The following ERBB4 variants were observed in gnomAD, a reference collection of about 807,000 sequenced individuals.
The protein encoded by ERBB4 is erb-b2 receptor tyrosine kinase 4.
A neutral mutation model predicts 158.0 loss-of-function variants in ERBB4; 42 were observed. The observed-to-expected ratio is 0.27, with a 90% confidence interval of 0.21 to 0.34. The LOEUF (loss-of-function observed/expected upper bound fraction) is 0.34. ERBB4 is among the 10% of genes least tolerant of loss of function. ERBB4 has a pLI of 1.00. For missense variants in ERBB4, 1,333 were observed against 1,624.1 expected (o/e 0.82, Z 3.08); for synonymous variants, 583 against 558.7 (o/e 1.04, Z -0.61).
At chr2:212,396,025 AACTGAT>A (rs2091015721) in intron 1 of ERBB4, among the ~76,000 whole-genome samples, 1 of 152,146 alleles carries the variant, frequency 6.6e-6, no homozygotes, top group Non-Finnish European at 1.5e-5. Flanking sequence ...TGTTAATTAT[AACTGAT>A]GGTTTTATGT....
At chr2:211,677,258 T>C (rs1395324468) in intron 13 of ERBB4, among the ~76,000 whole-genome samples, 1 of 152,138 alleles carries the variant, frequency 6.6e-6, no homozygotes, top group Admixed American at 6.6e-5. Flanking sequence ...AACTATACTT[T>C]CCAAAACTAT....
chr2:211,698,302 G>C (rs918677811), intron 12 of ERBB4, among the ~76,000 whole-genome samples: 2 of 136,932 alleles, frequency 1.5e-5, no homozygotes, highest in Non-Finnish European at 3.1e-5. Flanking sequence ...ACAAGAGTGA[G>C]ACTCCGTCTC....
At chr2:211,781,661 T>C (rs999767350) in intron 4 of ERBB4, among the ~76,000 whole-genome samples, 1 of 152,206 alleles carries the variant, frequency 6.6e-6, no homozygotes, top group African/African-American at 2.4e-5. Context: ...CCTCATATGG[T>C]CAATTCATAT....
At chr2:211,431,595 A>T (rs951722264) in intron 20 of ERBB4, among the ~76,000 whole-genome samples, 3 of 152,136 alleles carry the variant, frequency 2.0e-5, no homozygotes, top group African/African-American at 7.2e-5. Context: ...GATTCTATGG[A>T]GGCTGAAGAA....
intron 19 of ERBB4, among the ~76,000 whole-genome samples, chr2:211,578,678 C>A (rs2067965865): frequency 1.3e-5 from 2 of 152,026 alleles, no homozygotes; most frequent in Non-Finnish European, 2.9e-5. Context: ...ATTTTTTAAA[C>A]AGCTGACAAC....
At chr2:212,357,425 G>T (rs921857100) in intron 1 of ERBB4, among the ~76,000 whole-genome samples, 1 of 151,564 alleles carries the variant, frequency 6.6e-6, no homozygotes, top group South Asian at 2.1e-4. Context: ...AAGTATAAGC[G>T]GTGTACAAAG....
intron 16 of ERBB4, among the ~76,000 whole-genome samples, chr2:211,649,027 A>T (rs1362496820): frequency 1.3e-5 from 2 of 151,896 alleles, no homozygotes; most frequent in Non-Finnish European, 3.0e-5. Context: ...GTTTGTTCAT[A>T]TATGTCTTAG....
chr2:211,446,460 A>G (rs2125465370), intron 20 of ERBB4, among the ~76,000 whole-genome samples: 1 of 152,344 alleles, frequency 6.6e-6, no homozygotes, highest in Non-Finnish European at 1.5e-5. Context: ...GCTATTTCAA[A>G]GTGTCATGTA....
intron 3 of ERBB4, among the ~76,000 whole-genome samples, chr2:211,814,670 C>T (rs895204274): frequency 1.3e-5 from 2 of 152,088 alleles, no homozygotes; most frequent in African/African-American, 4.8e-5. Context: ...AGAAAAGGGT[C>T]CTTTGGTCCT....
At chr2:211,815,008 T>C (rs543550375) in intron 3 of ERBB4, among the ~76,000 whole-genome samples, 4 of 152,298 alleles carry the variant, frequency 2.6e-5, no homozygotes, top group Admixed American at 1.3e-4. Flanking sequence ...TAGGTGTTTT[T>C]CCAGAGTAAT....
chr2:211,419,260 GAAGGGGATGATAATAATAGAACC>G (rs1205040734), intron 25 of ERBB4, among the ~76,000 whole-genome samples: 6 of 152,072 alleles, frequency 3.9e-5, no homozygotes, highest in African/African-American at 1.2e-4. Context: ...TCCTTTGAAA[GAAGGGGATGATAATAATAGAACC>G]TCATGAAGTT....
At chr2:212,191,728 GT>G (rs2082230163) in intron 1 of ERBB4, among the ~76,000 whole-genome samples, 1 of 143,438 alleles carries the variant, frequency 7.0e-6, no homozygotes, top group Non-Finnish European at 1.5e-5. Flanking sequence ...CATATAACAC[GT>G]GTTATACATG....
intron 1 of ERBB4, among the ~76,000 whole-genome samples, chr2:212,243,790 G>A (rs909130174): frequency 3.9e-5 from 6 of 152,016 alleles, no homozygotes; most frequent in African/African-American, 1.4e-4. Context: ...TAGCTATTGA[G>A]CCAGATTCCC....
chr2:211,424,434 C>A, intron 22 of ERBB4, 133 bp from the exon 23 acceptor site: 3 of 654,836 alleles, frequency 4.6e-6, no homozygotes, highest in Non-Finnish European at 7.9e-6. Flanking sequence ...AAAAAAGCTC[C>A]ATAAATTCCT....
At chr2:211,914,395 C>A (rs928212721) in intron 3 of ERBB4, among the ~76,000 whole-genome samples, 2 of 151,824 alleles carry the variant, frequency 1.3e-5, no homozygotes, top group Non-Finnish European at 2.9e-5. Context: ...TCTATTGATT[C>A]TTCTATAAAA....
At chr2:211,580,866 CATATATATATATATATATAT>C (rs56892079) in intron 19 of ERBB4, among the ~76,000 whole-genome samples, 937 of 64,118 alleles carry the variant, frequency 0.015, 79 homozygotes, top group Middle Eastern at 0.029. Context: ...TATGCATATA[CATATATATATATATATATAT>C]ATATATATAT....
At chr2:211,624,718 C>T (rs770816509) in intron 17 of ERBB4, among the ~76,000 whole-genome samples, 4 of 152,138 alleles carry the variant, frequency 2.6e-5, no homozygotes, top group Non-Finnish European at 5.9e-5. Flanking sequence ...GAGTGAGGCT[C>T]ACTAGTTTTG....
chr2:211,378,850 CCCA>C lies in ERBB4; in HGVS notation c.*4762_*4764del, dbSNP rs775171918. On this transcript the variant is annotated 3_prime_UTR_variant, in exon 28 of 28. Coordinates refer to ENST00000342788, the MANE Select transcript of ERBB4 (RefSeq NM_005235.3). ...AACAGAGGCACAGTAAGATCCTCTGCCCACAGTATATACAGTAGAAGTTAATTT... is the reference window on the plus strand; with the variant it reads ...AACAGAGGCACAGTAAGATCCTCTGCCAGTATATACAGTAGAAGTTAATTT... 0.01 allele frequency: 2,387 copies of C among 231,722 alleles called. 20 individuals carry two copies. The highest frequency in any genetic ancestry group is 0.015 in the South Asian group (82 of 5,462). 14.4% of individuals were successfully genotyped at this position (231,722 alleles called of 1,614,324 possible). A position where few individuals can be genotyped will look rare whatever the true frequency, so the allele number is the denominator to read the frequency against.
Position 211,907,960 on chromosome 2 carries a change from CG to C in ERBB4, c.421+39469del, listed in dbSNP as rs529711389. ...CAGAGATTTCTTTACTTTGCACACACGGGCTACTGAGACTTCATACTGAAAC... is the reference window on the plus strand; with the variant it reads ...CAGAGATTTCTTTACTTTGCACACACGGCTACTGAGACTTCATACTGAAAC... On this transcript the variant is annotated intron_variant, in intron 3 of 27. Transcript: ENST00000342788. Among the ~76,000 whole-genome samples, 46 of 151,934 alleles carry C rather than the reference CG, an allele frequency of 3.0e-4. No individual in the cohort carries two copies. The South Asian group carries it at 9.4e-3, about 31-fold the overall frequency.
Sources: allele counts gnomAD v4.1 joint callset (sites outside exome capture counted in the v4.1 genomes callset), GRCh38; gene constraint gnomAD v4.1.1; transcripts MANE v1.5; gene names NCBI Gene and HGNC (gene_info 2026-07-23, HGNC 2026-07-21).